Variants in RFX5 observed in about 807,000 individuals in gnomAD.
RFX5 encodes the protein DNA-binding protein RFX5.
In RFX5, 30 loss-of-function variants were observed where a neutral mutation model predicts 41.2. The observed-to-expected ratio is 0.73, with a 90% confidence interval of 0.54 to 0.99. The LOEUF is 0.99. Ranked by LOEUF, RFX5 falls within the 50% of genes least tolerant of loss-of-function variation. The pLI, the probability that RFX5 is intolerant of heterozygous loss-of-function variation, is 0.00. For missense variants in RFX5, 715 were observed against 773.6 expected (o/e 0.92, Z 0.90); for synonymous variants, 231 against 291.8 (o/e 0.79, Z 2.12).
chr1:151,344,066 C>A, intron 8 of RFX5, 131 bp downstream of exon 8: 1 of 1,127,200 alleles, frequency 8.9e-7, no homozygotes, highest in South Asian at 1.3e-5. Flanking sequence ...ACAGGGTTGG[C>A]AGAAGGGAAC....
Position 151,341,808 on chromosome 1 carries a change from A to C in RFX5, c.*378T>G. 2.7e-6 allele frequency: 1 copy of C among 374,042 alleles called. No individual in the cohort carries two copies. The highest frequency in any genetic ancestry group is 2.1e-5 in the South Asian group (1 of 47,236). The allele number at this position is 374,042 out of a possible 1,614,324, so 23.2% of individuals were successfully genotyped here. ...CACCTGGAGCCAGCACTACCTATGG[A>C]CTTTCTAGTTACATGAACCAATAAA... On this transcript the variant is annotated 3_prime_UTR_variant, in exon 11 of 11. Transcript: ENST00000452671.
In RFX5 at chr1:151,342,110, G is replaced by A. The variant is rs748573122; in HGVS notation, c.*76C>T. 14 of 1,598,890 alleles carry A rather than the reference G, an allele frequency of 8.8e-6. No individual in the cohort carries two copies. The highest frequency in any genetic ancestry group is 1.2e-5 in the Non-Finnish European group (14 of 1,166,584). On this transcript the variant is annotated 3_prime_UTR_variant, in exon 11 of 11. Coordinates refer to ENST00000452671, the MANE Select transcript of RFX5 (RefSeq NM_001025603.2). ...CCTTAGGAAAAGAATAGCCAAATGA[G>A]AAGCAAGTGCAAAGAAGGGCCTCTA...
At position 151,344,187 on chromosome 1, in the gene RFX5, T is replaced by G. The variant is rs758385968; in HGVS notation, c.555+10A>C. On this transcript the variant is annotated intron_variant, in intron 8 of 10. Transcript: ENST00000452671. ...AGAAGAGTGGAATTGGAAGGTGATT[T>G]GGTACTTACACTCTCAGAACCCTTT... The G allele has an allele frequency of 1.2e-6, 2 of 1,613,828 alleles. No individual in the cohort carries two copies.
intron 4 of RFX5, 73 bp from the exon 5 acceptor site, chr1:151,345,261 C>G (rs1650909308): frequency 8.5e-7 from 1 of 1,173,302 alleles, no homozygotes. Flanking sequence ...CCTCTGATCC[C>G]CACACCAAAG....
chr1:151,343,036 G>A lies in RFX5; in HGVS notation c.1001C>T (p.Pro334Leu). ...ALVARLPLLL[P>L]RAPRSLIPPI... ...CGGAATTAGTGAGCGAGGGGCCCGG[G>A]GAAGGAGCAGAGGCAGCCGAGCCAC... Residue 334 changes from proline (P) to leucine (L), a missense_variant, in exon 11 of 11, where the codon CCC becomes CTC. Physicochemically the swap from Pro to Leu is moderately conservative, Grantham distance 98. Transcript: ENST00000452671. 1 of 1,613,392 alleles carries A rather than the reference G, an allele frequency of 6.2e-7. No homozygotes were observed. The highest frequency in any genetic ancestry group is 8.5e-7 in the Non-Finnish European group (1 of 1,179,890).
rs1650432668 is a variant in RFX5 at position 151,341,343 on chromosome 1, A to T, written c.*843T>A. On this transcript the variant is annotated 3_prime_UTR_variant, in exon 11 of 11. Coordinates refer to ENST00000452671, the MANE Select transcript of RFX5 (RefSeq NM_001025603.2). The stretch of plus-strand genomic sequence containing the variant: ...TGCAAGACTGAGGAGAAAAGAAAGC[A>T]GGTCTAGCTGATCTCAACTTAGCAA... The T allele has an allele frequency of 6.6e-6, 1 of 152,424 alleles. No homozygotes were observed. The highest frequency in any genetic ancestry group is 1.5e-5 in the Non-Finnish European group (1 of 68,236). The allele number at this position is 152,424 out of a possible 1,614,324, so 9.4% of individuals were successfully genotyped here. A position where few individuals can be genotyped will look rare whatever the true frequency, so the allele number is the denominator to read the frequency against.
chr1:151,345,808 T>C, intron 4 of RFX5, 120 bp downstream of exon 4: 1 of 1,438,236 alleles, frequency 7.0e-7, no homozygotes, highest in Non-Finnish European at 9.8e-7. Context: ...CCAACTATCT[T>C]CTGACAAGGC....
chr1:151,342,913 G>C lies in RFX5; in HGVS notation c.1124C>G (p.Pro375Arg), dbSNP rs1650604259. ...CATGTTAATGATGGGCACAGCTGCT[G>C]GGGGTGCCCCGGCCCTACTAGACAG... ...LPLSSRAGAP[P>R]AAVPIINMIL... is the part of the protein sequence containing the mutation. The change falls in exon 11 of 11, where the codon CCA becomes CGA. Residue 375 changes from proline (P) to arginine (R), a missense_variant. Pro to Arg is a moderately radical substitution (Grantham distance 103). Transcript: ENST00000452671. 6.2e-7 allele frequency: 1 copy of C among 1,614,154 alleles called. No homozygotes were observed. Among genetic ancestry groups the C allele is most frequent in the South Asian group, 1.1e-5 (1 of 91,080 alleles).
Position 151,343,066 on chromosome 1 carries a change from G to A in RFX5, c.971C>T (p.Ala324Val). ...GAGCAGAGGCAGCCGAGCCACTAGG[G>A]CATTAACCTGCAGGTTATTGGCTCC... ...APGANNLQVN[A>V]LVARLPLLLP... Residue 324 changes from alanine to valine, a missense_variant, in exon 11 of 11, where the codon GCC becomes GTC. Physicochemically the swap from Ala to Val is moderately conservative, Grantham distance 64. Transcript: ENST00000452671. 1.2e-6 allele frequency: 2 copies of A among 1,613,578 alleles called. No homozygotes were observed. Among genetic ancestry groups the A allele is most frequent in the Non-Finnish European group, 1.7e-6 (2 of 1,180,018 alleles).
At chr1:151,344,666 C>T in intron 6 of RFX5, 62 bp downstream of exon 6, 1 of 1,560,054 alleles carries the variant, frequency 6.4e-7, no homozygotes, top group African/African-American at 1.4e-5. Context: ...GGAAGCTCTT[C>T]ATGGGTGAGG....
chr1:151,344,707 ACCACCCACCCCT>A lies in RFX5; in HGVS notation c.353+9_353+20del. ...CTATGCCCACCAATCCACTCATCCC[ACCACCCACCCCT>A]CCACCCACCGATAGGCATCATAAAC... On this transcript the variant is annotated intron_variant, in intron 6 of 10. Transcript: ENST00000452671. 4 of 850,412 alleles carry A rather than the reference ACCACCCACCCCT, an allele frequency of 4.7e-6. No individual in the cohort carries two copies. Among genetic ancestry groups the A allele is most frequent in the Non-Finnish European group, 7.0e-6 (4 of 570,694 alleles). The allele number at this position is 850,412 out of a possible 1,614,324, so 52.7% of individuals were successfully genotyped here. A position where few individuals can be genotyped will look rare whatever the true frequency, so the allele number is the denominator to read the frequency against.
At position 151,342,255 on chromosome 1, in the gene RFX5, G is replaced by C; in HGVS notation, c.1782C>G (p.Asp594Glu). The C allele has an allele frequency of 6.2e-7, 1 of 1,614,160 alleles. No individual in the cohort carries two copies. Among genetic ancestry groups the C allele is most frequent in the Non-Finnish European group, 8.5e-7 (1 of 1,180,020 alleles). Residue 594 changes from aspartate (D) to glutamate (E), a missense_variant, in exon 11 of 11, where the codon GAC becomes GAG. By Grantham distance (45) the Asp-to-Glu change is conservative (BLOSUM62 2). Transcript: ENST00000452671. ...AACTTTGAAGCACATGCTCCTTTAA[G>C]TCTTTATTACCCTGTGGTGCAGTGT... ...EVDTAPQGNK[D>E]LKEHVLQSSL...
rs764421340 is a variant in RFX5 at position 151,340,715 on chromosome 1, G to A, written c.*1471C>T. The A allele has an allele frequency of 3.2e-4, 49 of 152,442 alleles. No homozygotes were observed. The highest frequency in any genetic ancestry group is 1.1e-3 in the African/African-American group (47 of 41,378). 9.4% of individuals were successfully genotyped at this position (152,442 alleles called of 1,614,324 possible). On this transcript the variant is annotated 3_prime_UTR_variant, in exon 11 of 11. Coordinates refer to ENST00000452671, the MANE Select transcript of RFX5 (RefSeq NM_001025603.2). The stretch of plus-strand genomic sequence containing the variant: ...TTAGTATGCTTCATAATTTATTCAC[G>A]TTAGATATACTCTTTATAGATATCA...
rs1475163159 is a variant in RFX5, at chr1:151,342,444, G to A, written c.1593C>T (p.Ala531=). 1.9e-6 allele frequency: 3 copies of A among 1,613,976 alleles called. No homozygotes were observed. The highest frequency in any genetic ancestry group is 2.7e-5 in the African/African-American group (2 of 74,870). ...AAACAGTACCATCTCCCTGACCCTG[G>A]GCAAGTACTGCCCCCTTTTCAGCCT... ...MGEAEKGAVL[A]QGQGDGTVSK... The change falls in exon 11 of 11, where the codon GCC becomes GCT. Residue 531 remains alanine (A), a synonymous_variant. Transcript: ENST00000452671.
At position 151,344,760 on chromosome 1, in the gene RFX5, A is replaced by G. The variant is rs150983836; in HGVS notation, c.321T>C (p.Cys107=). The G allele has an allele frequency of 8.1e-6, 13 of 1,609,922 alleles. No homozygotes were observed. Among genetic ancestry groups the G allele is most frequent in the Non-Finnish European group, 1.0e-5 (12 of 1,178,024 alleles). Residue 107 remains cysteine, a synonymous_variant, in exon 6 of 11, where the codon TGT becomes TGC. Transcript: ENST00000452671. The part of the protein sequence containing the change: ...RNHLEEHTDT[C]LPKQSVYDAY... ...CATCATAAACACTTTGCTTTGGCAG[A>G]CAGGTGTCAGTGTGCTCTTCCAGGT... is the stretch of plus-strand genomic sequence containing the variant.
At position 151,343,484 on chromosome 1, in the gene RFX5, G is replaced by A. The variant is rs747849715; in HGVS notation, c.758-42C>T. The A allele has an allele frequency of 5.9e-6, 9 of 1,521,724 alleles. No individual in the cohort carries two copies. The Admixed American group carries it at 1.2e-4, about 20-fold the overall frequency. The allele number at this position is 1,521,724 out of a possible 1,614,324, so 94.3% of individuals were successfully genotyped here. A position where few individuals can be genotyped will look rare whatever the true frequency, so the allele number is the denominator to read the frequency against. On this transcript the variant is annotated intron_variant, in intron 9 of 10. Coordinates refer to ENST00000452671, the MANE Select transcript of RFX5 (RefSeq NM_001025603.2). ...AAGGTAATAGAGTGAAGGTGAGGAG[G>A]AAACTGAGGAATAGGGGAGTGAGGC... is the stretch of plus-strand genomic sequence containing the variant.
chr1:151,344,704 C>CG, intron 6 of RFX5, 24 bp downstream of exon 6: 1 of 1,363,774 alleles, frequency 7.3e-7, no homozygotes, highest in Non-Finnish European at 1.0e-6. Flanking sequence ...ATCCACTCAT[C>CG]CCACCACCCA....
Position 151,345,108 on chromosome 1 carries a change from T to C in RFX5, c.231A>G (p.Lys77=), listed in dbSNP as rs1359327509. Residue 77 remains lysine, a splice_region_variant and synonymous_variant, in exon 5 of 11, where the codon AAA becomes AAG. Transcript: ENST00000452671. ...QLPSGPTTGD[K]SSEPSTLSNE... ...TCTAAAACTACTATCAAACCTACCT[T>C]TTGTCTCCAGTGGTGGGTCCTGAGG... The C allele has an allele frequency of 5.0e-6, 8 of 1,613,746 alleles. No individual in the cohort carries two copies. The South Asian group carries it at 8.8e-5, about 18-fold the overall frequency.
rs1650865367 is a variant in RFX5, at chr1:151,344,856, A to G, written c.234-9T>C. 2 of 1,614,054 alleles carry G rather than the reference A, an allele frequency of 1.2e-6. No homozygotes were observed. Among genetic ancestry groups the G allele is most frequent in the Admixed American group, 3.3e-5 (2 of 60,006 alleles). ...GTGTACTTGGCTCTGAGCTACAGAA[A>G]CAAAAGGAACAAGCATTACTAAGAC... On this transcript the variant is annotated splice_polypyrimidine_tract_variant and intron_variant, in intron 5 of 10. Coordinates refer to ENST00000452671, the MANE Select transcript of RFX5 (RefSeq NM_001025603.2).
Sources: gnomAD v4.1 joint callset for allele counts on GRCh38, gnomAD v4.1.1 for gene constraint, MANE v1.5 for transcripts, NCBI Gene and HGNC (gene_info 2026-07-23, HGNC 2026-07-21) for gene names.